PDE4B: variants seen among roughly 807,000 people sequenced by gnomAD.
PDE4B encodes phosphodiesterase 4B, also known as 3',5'-cyclic-AMP phosphodiesterase 4B.
PDE4B carries 20 observed loss-of-function variants against 82.2 expected under a neutral mutation model. That is an observed-to-expected ratio of 0.24 (90% confidence interval 0.17 to 0.35). The LOEUF is 0.35. PDE4B is among the 10% of genes least tolerant of loss of function. The pLI, the probability that PDE4B is intolerant of heterozygous loss-of-function variation, is 1.00. For missense variants in PDE4B, 655 were observed against 907.2 expected (o/e 0.72, Z 3.57); for synonymous variants, 320 against 318.9 (o/e 1.00, Z -0.04).
intron 15 of PDE4B, 197 bp downstream of exon 15, chr1:66,368,262 C>G (rs1027383113): frequency 2.7e-5 from 15 of 553,942 alleles, no homozygotes; most frequent in Non-Finnish European, 4.7e-5. Flanking sequence ...AAAATAATCT[C>G]TATTTGTGGA....
chr1:65,985,811 A>T (rs1650927743), intron 3 of PDE4B, among the ~76,000 whole-genome samples: 1 of 152,152 alleles, frequency 6.6e-6, no homozygotes, highest in Non-Finnish European at 1.5e-5. Flanking sequence ...GAAGCACCTA[A>T]TTACTCTGCT....
intron 3 of PDE4B, among the ~76,000 whole-genome samples, chr1:65,933,664 C>A (rs1164600966): frequency 6.6e-6 from 1 of 151,216 alleles, no homozygotes; most frequent in East Asian, 1.9e-4. Flanking sequence ...GGGCGAGAAT[C>A]CGTCTAAAAA....
chr1:65,918,314 AAAG>A (rs1647185462), intron 2 of PDE4B, among the ~76,000 whole-genome samples: 1 of 152,250 alleles, frequency 6.6e-6, no homozygotes, highest in African/African-American at 2.4e-5. Context: ...TTAAAATAGG[AAAG>A]AAGGAGGCCT....
intron 3 of PDE4B, among the ~76,000 whole-genome samples, chr1:65,987,453 G>C (rs1651013684): frequency 6.6e-6 from 1 of 152,186 alleles, no homozygotes; most frequent in Admixed American, 6.5e-5. Flanking sequence ...CACCGTGGGA[G>C]CATGAATTCC....
chr1:66,142,996 G>A (rs1646202977), intron 3 of PDE4B, among the ~76,000 whole-genome samples: 1 of 152,232 alleles, frequency 6.6e-6, no homozygotes, highest in Non-Finnish European at 1.5e-5. Context: ...CTTCGCATCT[G>A]TGTTGTAACA....
rs544132333 is a variant in PDE4B at position 66,160,115 on chromosome 1, G to A, written c.282-87345G>A. ...GATTTTTACAGTGGGTGTTAAAAGGGGAAAATTGTGCCCTCTGATCACAAT... is the reference window on the plus strand; with the variant it reads ...GATTTTTACAGTGGGTGTTAAAAGGAGAAAATTGTGCCCTCTGATCACAAT... On this transcript the variant is annotated intron_variant, in intron 3 of 16. Transcript: ENST00000341517. 4.6e-5 allele frequency among the ~76,000 whole-genome samples: 7 copies of A among 152,198 alleles called. No individual in the cohort carries two copies. The South Asian group carries it at 1.5e-3, about 32-fold the overall frequency.
intron 1 of PDE4B, among the ~76,000 whole-genome samples, chr1:65,865,442 G>A (rs1445760338): frequency 6.6e-6 from 1 of 152,020 alleles, no homozygotes; most frequent in Non-Finnish European, 1.5e-5. Flanking sequence ...GGAGGGGAGG[G>A]GAGGAACAAA....
chr1:66,300,529 C>A (rs949415267), intron 7 of PDE4B, among the ~76,000 whole-genome samples: 3 of 152,286 alleles, frequency 2.0e-5, no homozygotes, highest in Admixed American at 6.5e-5. Flanking sequence ...TGTGCACTTA[C>A]ATAGCTGATA....
intron 8 of PDE4B, among the ~76,000 whole-genome samples, chr1:66,340,593 ATAAT>A (rs200627622): frequency 2.0e-3 from 302 of 152,254 alleles, no homozygotes; most frequent in African/African-American, 7.0e-3. Flanking sequence ...GCTACTCAAA[ATAAT>A]TATAATTTTT....
At chr1:66,134,910 G>A (rs913919169) in intron 3 of PDE4B, among the ~76,000 whole-genome samples, 12 of 152,328 alleles carry the variant, frequency 7.9e-5, no homozygotes, top group East Asian at 1.9e-4. Flanking sequence ...AAGATACAGC[G>A]TGAAGTCATA....
At chr1:65,968,027 G>GA (rs893833704) in intron 3 of PDE4B, among the ~76,000 whole-genome samples, 9 of 151,488 alleles carry the variant, frequency 5.9e-5, no homozygotes, top group African/African-American at 1.9e-4. Context: ...TTTAAAAAAA[G>GA]AAAAAAAATG....
intron 3 of PDE4B, among the ~76,000 whole-genome samples, chr1:66,137,272 T>TAGGA (rs547878899): frequency 5.7e-4 from 86 of 151,968 alleles, no homozygotes; most frequent in African/African-American, 2.0e-3. Flanking sequence ...TCGTGGGGTG[T>TAGGA]AGGAAGGAAG....
intron 3 of PDE4B, among the ~76,000 whole-genome samples, chr1:66,221,820 T>C (rs772943639): frequency 5.9e-5 from 9 of 152,150 alleles, no homozygotes; most frequent in Non-Finnish European, 1.2e-4. Flanking sequence ...CTTTGGCTAA[T>C]ATTATTGAAA....
At chr1:66,255,074 C>A (rs1209019383) in intron 4 of PDE4B, among the ~76,000 whole-genome samples, 2 of 136,034 alleles carry the variant, frequency 1.5e-5, no homozygotes, top group South Asian at 2.4e-4. Flanking sequence ...CTTTTTTTCT[C>A]TTTCTTTCTT....
rs143102955 is a variant in PDE4B, at chr1:66,243,939, A to G, written c.282-3521A>G. Among the ~76,000 whole-genome samples, 11 of 152,326 alleles carry G rather than the reference A, an allele frequency of 7.2e-5. No individual in the cohort carries two copies. In the East Asian group the frequency reaches 2.1e-3, roughly 29 times the overall value. On this transcript the variant is annotated intron_variant, in intron 3 of 16. Transcript: ENST00000341517. ...TTTCAATGCCGTGTATATATGGGCA[A>G]CCCCTTCCAGGCAGGTATAAGTCAC... is the stretch of plus-strand genomic sequence containing the variant.
intron 3 of PDE4B, among the ~76,000 whole-genome samples, chr1:66,139,796 T>G (rs537630084): frequency 1.3e-5 from 2 of 150,256 alleles, no homozygotes; most frequent in Non-Finnish European, 3.0e-5. Flanking sequence ...AAACCACATC[T>G]GCACCAGAGC....
At chr1:66,071,268 T>C (rs2100928021) in intron 3 of PDE4B, among the ~76,000 whole-genome samples, 1 of 152,088 alleles carries the variant, frequency 6.6e-6, no homozygotes, top group East Asian at 1.9e-4. Flanking sequence ...GGCTGTCCAC[T>C]TACTATATAA....
intron 3 of PDE4B, among the ~76,000 whole-genome samples, chr1:65,948,867 T>A (rs367853343): frequency 6.6e-6 from 1 of 152,238 alleles, no homozygotes; most frequent in Non-Finnish European, 1.5e-5. Context: ...GCCTAAAAGC[T>A]GAGCATGGAA....
intron 6 of PDE4B, among the ~76,000 whole-genome samples, chr1:66,259,072 A>G (rs746637696): frequency 6.6e-6 from 1 of 152,180 alleles, no homozygotes; most frequent in Non-Finnish European, 1.5e-5. Context: ...GCTTGGGTTT[A>G]TATGTAGTGC....
Sources: allele counts gnomAD v4.1 joint callset (sites outside exome capture counted in the v4.1 genomes callset), GRCh38; gene constraint gnomAD v4.1.1; transcripts MANE v1.5; gene names NCBI Gene and HGNC (gene_info 2026-07-23, HGNC 2026-07-21).